PLEKHG1: variants seen among roughly 807,000 people sequenced by gnomAD.
The protein encoded by PLEKHG1 is pleckstrin homology domain-containing family G member 1.
Under a neutral mutation model 100.8 loss-of-function variants are expected in PLEKHG1, and 44 were observed. The ratio of observed to expected loss-of-function variants is 0.44; its 90% CI spans 0.34 to 0.56. The LOEUF is 0.56. PLEKHG1 is among the 20% of genes least tolerant of loss of function. The pLI is 0.01. For synonymous variants in PLEKHG1, 640 were observed against 662.5 expected, an observed-to-expected ratio of 0.97 and a Z score of 0.52; for missense variants, 1,545 against 1,720.9, an observed-to-expected ratio of 0.90 and a Z score of 1.81.
chr6:150,742,705 G>A lies in PLEKHG1; in HGVS notation c.411+8613G>A, dbSNP rs115756136. The stretch of plus-strand genomic sequence containing the variant: ...TCCCACCAGGCCCCACCTCCAACAC[G>A]GGGAATTACATTTCAATATGAGGTT... On this transcript the variant is annotated intron_variant, in intron 2 of 15. Transcript: ENST00000358517. 9.7e-3 allele frequency among the ~76,000 whole-genome samples: 1,482 copies of A among 152,118 alleles called. 27 individuals are homozygous for A. Among genetic ancestry groups the A allele is most frequent in the African/African-American group, 0.033 (1,367 of 41,506 alleles).
At chr6:150,701,380 C>A (rs1780765696) in intron 3 of PLEKHG1, among the ~76,000 whole-genome samples, 1 of 126,132 alleles carries the variant, frequency 7.9e-6, no homozygotes, top group Admixed American at 9.2e-5. Context: ...TGTAGATGAC[C>A]TGGAAGCTGG....
At chr6:150,748,223 T>C (rs891485342) in intron 2 of PLEKHG1, among the ~76,000 whole-genome samples, 1 of 152,224 alleles carries the variant, frequency 6.6e-6, no homozygotes, top group African/African-American at 2.4e-5. Flanking sequence ...TTGTTTTCCT[T>C]CTTACGGCTG....
chr6:150,764,123 C>CTTT lies in PLEKHG1; in HGVS notation c.412-4506_412-4504dup, dbSNP rs386408930. ...TCTCTCCTATTTTCTTTTTCTTTTT[C>CTTT]TTTTTTTTTTTAAGACAGAGTTTAG... On this transcript the variant is annotated intron_variant, in intron 2 of 15. Coordinates refer to ENST00000358517, the Ensembl canonical transcript of PLEKHG1. Among the ~76,000 whole-genome samples the CTTT allele has an allele frequency of 1.6e-4, 24 of 146,288 alleles. No individual in the cohort carries two copies. The Middle Eastern group carries it at 0.014, about 85-fold the overall frequency.
exon 16 of PLEKHG1, chr6:150,840,680 T>C (rs1249732088): frequency 6.2e-7 from 1 of 1,614,204 alleles, no homozygotes; most frequent in Non-Finnish European, 8.5e-7. Context: ...TTTCTGATAA[T>C]GTCTGCAGCG....
intron 1 of PLEKHG1, among the ~76,000 whole-genome samples, chr6:150,723,598 A>G (rs1473374779): frequency 1.3e-5 from 2 of 152,110 alleles, no homozygotes; most frequent in African/African-American, 4.8e-5. Flanking sequence ...TTCCCCATCT[A>G]TACAGTTTTC....
intron 3 of PLEKHG1, among the ~76,000 whole-genome samples, chr6:150,712,907 GA>G (rs1188206291): frequency 6.6e-6 from 1 of 152,252 alleles, no homozygotes; most frequent in Non-Finnish European, 1.5e-5. Flanking sequence ...AGGACAGTTT[GA>G]AACTAAGGGG....
intron 1 of PLEKHG1, among the ~76,000 whole-genome samples, chr6:150,612,649 A>G (rs1776903370): frequency 6.6e-6 from 1 of 152,056 alleles, no homozygotes; most frequent in South Asian, 2.1e-4. Context: ...TGTTTTAATG[A>G]AGACTTCTTC....
upstream of PLEKHG1, among the ~76,000 whole-genome samples, chr6:150,717,198 AT>A (rs1404202995): frequency 6.6e-6 from 1 of 150,936 alleles, no homozygotes; most frequent in East Asian, 2.0e-4. Context: ...CGCCTGGCTA[AT>A]TTTTGTATTT....
At chr6:150,738,261 G>T (rs897794841) in intron 2 of PLEKHG1, among the ~76,000 whole-genome samples, 1 of 152,152 alleles carries the variant, frequency 6.6e-6, no homozygotes, top group South Asian at 2.1e-4. Flanking sequence ...ACCCCCATTA[G>T]TAGTACATTT....
chr6:150,705,788 G>A (rs1562449771), intron 3 of PLEKHG1, among the ~76,000 whole-genome samples: 1 of 152,124 alleles, frequency 6.6e-6, no homozygotes, highest in South Asian at 2.1e-4. Context: ...AAAGACTTGG[G>A]TATGTCTACA....
intron 4 of PLEKHG1, among the ~76,000 whole-genome samples, chr6:150,794,339 T>C (rs1324181738): frequency 1.3e-5 from 2 of 152,162 alleles, no homozygotes; most frequent in Non-Finnish European, 2.9e-5. Context: ...TGTTATTGAA[T>C]TATTTAAGTG....
chr6:150,796,036 G>A (rs924352719), intron 5 of PLEKHG1, 134 bp downstream of exon 6: 76 of 599,402 alleles, frequency 1.3e-4, no homozygotes, highest in Non-Finnish European at 2.1e-4. Context: ...AATGCAAAAC[G>A]TGCTGAGAAC....
chr6:150,776,919 A>C (rs1170161354), intron 3 of PLEKHG1, among the ~76,000 whole-genome samples: 1 of 151,194 alleles, frequency 6.6e-6, no homozygotes, highest in African/African-American at 2.4e-5. Context: ...CCTGGTGCAC[A>C]TGTGCGGTTT....
At chr6:150,619,104 A>G (rs1472352941) in intron 1 of PLEKHG1, among the ~76,000 whole-genome samples, 1 of 152,150 alleles carries the variant, frequency 6.6e-6, no homozygotes, top group Non-Finnish European at 1.5e-5. Context: ...AAGAAAAAAC[A>G]GTTCAGACTT....
intron 3 of PLEKHG1, among the ~76,000 whole-genome samples, chr6:150,779,537 G>A (rs1186662811): frequency 6.6e-6 from 1 of 151,634 alleles, no homozygotes; most frequent in African/African-American, 2.4e-5. Flanking sequence ...GTGGAGACAG[G>A]GTTTCACCAT....
At chr6:150,689,660 C>A (rs563353123) in intron 3 of PLEKHG1, among the ~76,000 whole-genome samples, 1 of 151,798 alleles carries the variant, frequency 6.6e-6, no homozygotes, top group African/African-American at 2.4e-5. Context: ...GTCAGGAGTT[C>A]GAGACCAGCC....
intron 2 of PLEKHG1, among the ~76,000 whole-genome samples, chr6:150,744,389 A>G: frequency 6.6e-6 from 1 of 151,964 alleles, no homozygotes; most frequent in East Asian, 1.9e-4. Context: ...CCTTCTTTTA[A>G]CCTCATTTCT....
rs914167927 is a variant in PLEKHG1 at position 150,744,075 on chromosome 6, TTTG to T, written c.411+9999_411+10001del. 3.3e-5 allele frequency among the ~76,000 whole-genome samples: 5 copies of T among 152,042 alleles called. No homozygotes were observed. In the East Asian group the frequency reaches 7.7e-4, roughly 23 times the overall value. On this transcript the variant is annotated intron_variant, in intron 2 of 15. Coordinates refer to ENST00000358517, the Ensembl canonical transcript of PLEKHG1. The stretch of plus-strand genomic sequence containing the variant: ...TTCATCTTACTTTTTATTTTTTATT[TTTG>T]TTGTTGTTGTTGTTGAGATGGAATC...
At chr6:150,843,368 T>A (rs1010587513) in exon 16 of PLEKHG1, 2 of 152,148 alleles carry the variant, frequency 1.3e-5, no homozygotes, top group African/African-American at 4.8e-5. Flanking sequence ...ATATATATAA[T>A]CATGTTTGTA....
Sources: gnomAD v4.1 joint callset for allele counts (sites outside exome capture counted in the v4.1 genomes callset) on GRCh38, gnomAD v4.1.1 for gene constraint, MANE v1.5 for transcripts, NCBI Gene and HGNC (gene_info 2026-07-23, HGNC 2026-07-21) for gene names.